The following SH3TC1 variants were observed in gnomAD, a reference collection of about 807,000 sequenced individuals.
SH3TC1 encodes SH3 domain and tetratricopeptide repeat-containing protein 1.
In SH3TC1, 135 loss-of-function variants were observed where a neutral mutation model predicts 117.3. That is an observed-to-expected ratio of 1.15 (90% confidence interval 1.00 to 1.33). The LOEUF (loss-of-function observed/expected upper bound fraction) is 1.33. SH3TC1 is among the 40% of genes most tolerant of loss of function. The probability of loss-of-function intolerance (pLI) is 0.00; values close to 1 mark genes in which losing one functional copy is unlikely to be tolerated. For missense variants in SH3TC1, 2,092 were observed against 1,794.3 expected (o/e 1.17, Z -3.00); for synonymous variants, 898 against 816.9 (o/e 1.10, Z -1.69).
At chr4:8,189,118 G>C (rs747904) in intron 1 of SH3TC1, among the ~76,000 whole-genome samples, 5,202 of 152,364 alleles carry the variant, frequency 0.034, 288 homozygotes, top group African/African-American at 0.12. Flanking sequence ...AGGTGAACCC[G>C]GCTCGGAATA....
intron 11 of SH3TC1, 28 bp from the exon 12 acceptor site, chr4:8,226,952 T>C (rs1720506202): frequency 6.7e-7 from 1 of 1,491,784 alleles, no homozygotes; most frequent in East Asian, 2.3e-5. Flanking sequence ...TGGACTCTAA[T>C]CTGTCTAGGT....
At chr4:8,187,895 C>T (rs2152974102) in intron 1 of SH3TC1, among the ~76,000 whole-genome samples, 1 of 152,268 alleles carries the variant, frequency 6.6e-6, no homozygotes, top group African/African-American at 2.4e-5. Flanking sequence ...ACTGCTTTAC[C>T]TGTGTTTTGT....
intron 1 of SH3TC1, among the ~76,000 whole-genome samples, chr4:8,202,026 A>G (rs1207815063): frequency 6.6e-6 from 1 of 152,192 alleles, no homozygotes; most frequent in Non-Finnish European, 1.5e-5. Context: ...TAAACCAGGG[A>G]GCTCGCATGC....
At chr4:8,195,805 C>T (rs1374751490), upstream of SH3TC1, among the ~76,000 whole-genome samples, 1 of 152,092 alleles carries the variant, frequency 6.6e-6, no homozygotes, top group Non-Finnish European at 1.5e-5. Flanking sequence ...CTTTGAGTCT[C>T]AGGTCACAGA....
chr4:8,212,603 C>T, intron 3 of SH3TC1, 98 bp from the exon 4 acceptor site: 1 of 1,540,004 alleles, frequency 6.5e-7, no homozygotes, highest in Non-Finnish European at 8.8e-7. Context: ...CCTTCGGGGT[C>T]AGGTGTGTGG....
chr4:8,200,583 T>TC (rs1717767753), intron 1 of SH3TC1, among the ~76,000 whole-genome samples: 2 of 152,176 alleles, frequency 1.3e-5, no homozygotes, highest in Admixed American at 6.5e-5. Flanking sequence ...CACTCACTCT[T>TC]CCAGCAACAC....
At chr4:8,233,803 TTCCATCCATCCATCATCCG>T (rs1560113900) in intron 14 of SH3TC1, among the ~76,000 whole-genome samples, 1 of 147,322 alleles carries the variant, frequency 6.8e-6, no homozygotes, top group Non-Finnish European at 1.5e-5. Context: ...CTGTTCGTCC[TTCCATCCATCCATCATCCG>T]TCCATCCATC....
Position 8,210,537 on chromosome 4 carries a change from C to A in SH3TC1, c.247+715C>A, listed in dbSNP as rs190982509. ...CTGTAATCCCAGCACTTTGGGAGGCCGAGGCGGGTGGATCACTTGAGGTCA... is the reference window on the plus strand; with the variant it reads ...CTGTAATCCCAGCACTTTGGGAGGCAGAGGCGGGTGGATCACTTGAGGTCA... On this transcript the variant is annotated intron_variant, in intron 3 of 17. Transcript: ENST00000245105. This position sits in a 1 kb window ranked among gnomAD's most constrained non-coding sequence, Gnocchi z 4.1. 6.6e-6 allele frequency among the ~76,000 whole-genome samples: 1 copy of A among 151,994 alleles called. No individual in the cohort carries two copies. The highest frequency in any genetic ancestry group is 1.5e-5 in the Non-Finnish European group (1 of 67,984).
intron 13 of SH3TC1, 132 bp from the exon 14 acceptor site, chr4:8,233,231 C>T: frequency 2.1e-6 from 3 of 1,439,840 alleles, no homozygotes; most frequent in Non-Finnish European, 2.7e-6. Flanking sequence ...CCGGGAAGGG[C>T]AGGACACTGC....
intron 9 of SH3TC1, 47 bp downstream of exon 9, chr4:8,219,577 A>C: frequency 5.5e-5 from 78 of 1,429,686 alleles, no homozygotes; most frequent in Non-Finnish European, 6.8e-5. Flanking sequence ...CCCCCATCTC[A>C]CCTAAGGGGA....
intron 13 of SH3TC1, 168 bp downstream of exon 13, chr4:8,232,324 C>T: frequency 1.3e-6 from 2 of 1,510,054 alleles, no homozygotes; most frequent in Non-Finnish European, 1.8e-6. Context: ...TGTCCCAGGG[C>T]TGCTGATGAC....
rs1180041102 is a variant in SH3TC1, at chr4:8,192,117, G to A, written c.-57+9907G>A. On this transcript the variant is annotated intron_variant, in intron 1 of 16. Transcript: ENST00000508641. This position sits in a 1 kb window ranked among gnomAD's most constrained non-coding sequence, Gnocchi z 4.1. ...TGATTCTCTCACCTCTGCCTCCCAA[G>A]TAGCTAAGATTACAGGCACCTGCCA... Among the ~76,000 whole-genome samples, 1 of 151,884 alleles carries A rather than the reference G, an allele frequency of 6.6e-6. No individual in the cohort carries two copies. Among genetic ancestry groups the A allele is most frequent in the East Asian group, 1.9e-4 (1 of 5,170 alleles).
chr4:8,203,008 G>C (rs1717939084), intron 1 of SH3TC1, among the ~76,000 whole-genome samples: 1 of 152,216 alleles, frequency 6.6e-6, no homozygotes, highest in South Asian at 2.1e-4. Flanking sequence ...CAGCCATGGG[G>C]GCAGGGGTGA....
intron 1 of SH3TC1, among the ~76,000 whole-genome samples, chr4:8,185,518 G>A (rs1050130245): frequency 3.9e-5 from 6 of 152,014 alleles, no homozygotes; most frequent in Admixed American, 6.6e-5. Flanking sequence ...TCCTCCTGCG[G>A]TTTCTTTTCA....
chr4:8,199,800 G>T (rs1047423549), intron 1 of SH3TC1, among the ~76,000 whole-genome samples: 2 of 152,158 alleles, frequency 1.3e-5, no homozygotes, highest in African/African-American at 4.8e-5. Context: ...GTTAGCTTGG[G>T]CCACACTACC....
At chr4:8,233,320 G>C (rs773691635) in intron 13 of SH3TC1, 43 bp from the exon 14 acceptor site, 1 of 1,565,024 alleles carries the variant, frequency 6.4e-7, no homozygotes, top group Non-Finnish European at 8.7e-7. Flanking sequence ...ACTGGTTCCA[G>C]GAGGATGACA....
chr4:8,200,035 T>C (rs1717724708), intron 1 of SH3TC1, among the ~76,000 whole-genome samples: 1 of 152,208 alleles, frequency 6.6e-6, no homozygotes, highest in Non-Finnish European at 1.5e-5. Flanking sequence ...TGAGACCCCC[T>C]CTGGGCCTGT....
intron 10 of SH3TC1, chr4:8,224,778 C>T (rs748014785): frequency 4.6e-6 from 1 of 216,432 alleles, no homozygotes; most frequent in Non-Finnish European, 9.3e-6. Flanking sequence ...GCGCCCTGCT[C>T]CCTGATGGAG....
At position 8,233,485 on chromosome 4, in the gene SH3TC1, A is replaced by C; in HGVS notation, c.3254A>C (p.Gln1085Pro). Residue 1085 changes from glutamine (Q) to proline (P), a missense_variant, in exon 14 of 18, where the codon CAG becomes CCG. Transcript: ENST00000245105. ...GGGAAGATCTATTACATCTTGCGGC[A>C]GAGCGAGCTGGTGGACCTCTACATC... The part of the protein sequence containing the change: ...QAGKIYYILR[Q>P]SELVDLYIQV... The C allele has an allele frequency of 1.2e-6, 2 of 1,613,044 alleles. No individual in the cohort carries two copies. The highest frequency in any genetic ancestry group is 2.2e-5 in the South Asian group (2 of 90,888).
Sources: gnomAD v4.1 joint callset for allele counts (sites outside exome capture counted in the v4.1 genomes callset) on GRCh38, gnomAD v4.1.1 for gene constraint, Gnocchi (gnomAD v3.1) non-coding constraint, MANE v1.5 for transcripts, NCBI Gene and HGNC (gene_info 2026-07-23, HGNC 2026-07-21) for gene names.